Variants in KAZN observed in about 807,000 individuals in gnomAD.
The protein encoded by KAZN is kazrin.
KAZN carries 40 observed loss-of-function variants against 87.4 expected under a neutral mutation model. That is an observed-to-expected ratio of 0.46 (90% CI 0.36 to 0.60). The LOEUF (loss-of-function observed/expected upper bound fraction) is 0.60. KAZN is among the 20% of genes least tolerant of loss of function. The pLI, the probability that KAZN is intolerant of heterozygous loss-of-function variation, is 0.00. For synonymous variants in KAZN, 466 were observed against 458.3 expected, an observed-to-expected ratio of 1.02 and a Z score of -0.22; for missense variants, 898 against 1,073.9, an observed-to-expected ratio of 0.84 and a Z score of 2.29.
intron 2 of KAZN, 139 bp downstream of exon 2, chr1:14,961,014 C>T: frequency 1.2e-6 from 1 of 851,528 alleles, no homozygotes; most frequent in Non-Finnish European, 1.8e-6. Flanking sequence ...TGCCCTGTCC[C>T]TTCTTCGAGT....
chr1:14,532,304 C>T (rs563176556), intron 2 of KAZN, among the ~76,000 whole-genome samples: 63 of 152,200 alleles, frequency 4.1e-4, no homozygotes, highest in Non-Finnish European at 7.5e-4. Flanking sequence ...CGCCCTCACT[C>T]GTGATGCTTA....
intron 2 of KAZN, among the ~76,000 whole-genome samples, chr1:14,410,083 G>C (rs1664183395): frequency 6.6e-6 from 1 of 152,284 alleles, no homozygotes; most frequent in Non-Finnish European, 1.5e-5. Flanking sequence ...AAACAGAACA[G>C]AATATTAATT....
At chr1:14,924,155 C>T (rs1434006649) in intron 1 of KAZN, 34 of 982,148 alleles carry the variant, frequency 3.5e-5, no homozygotes, top group Non-Finnish European at 4.1e-5. Flanking sequence ...AGAGGCTCCG[C>T]GGCCGAATTC....
At chr1:14,467,674 C>CA (rs36034022) in intron 2 of KAZN, among the ~76,000 whole-genome samples, 31,739 of 77,268 alleles carry the variant, frequency 0.41, 5,920 homozygotes, top group East Asian at 0.62. Context: ...ATCCAAAAGG[C>CA]AAAAAAAAAA....
At chr1:14,346,049 T>C (rs1658080924) in intron 2 of KAZN, among the ~76,000 whole-genome samples, 1 of 152,128 alleles carries the variant, frequency 6.6e-6, no homozygotes, top group African/African-American at 2.4e-5. Context: ...GAATGAAAAA[T>C]GTAGCACTGC....
At chr1:14,297,132 T>C (rs552366623) in intron 2 of KAZN, among the ~76,000 whole-genome samples, 1 of 152,148 alleles carries the variant, frequency 6.6e-6, no homozygotes, top group African/African-American at 2.4e-5. Flanking sequence ...GAGGGGCTTA[T>C]TTTCTCCCCC....
chr1:15,109,939 GTGTT>G (rs1411053260), intron 13 of KAZN, among the ~76,000 whole-genome samples: 18 of 150,884 alleles, frequency 1.2e-4, no homozygotes, highest in Non-Finnish European at 2.2e-4. Flanking sequence ...GTGTGTGTGT[GTGTT>G]TGTGTATGTG....
In KAZN at chr1:14,335,828, CAGAT is replaced by C. The variant is rs1246778166; in HGVS notation, c.249+155237_249+155240del. ...ATGGAAGGACAGAAAGTCAGAGAAA[CAGAT>C]GGACAGGGAAGCTCTCACTTCTGTT... On this transcript the variant is annotated intron_variant, in intron 2 of 16. Coordinates refer to the KAZN transcript ENST00000636203. 4.6e-5 allele frequency among the ~76,000 whole-genome samples: 7 copies of C among 152,000 alleles called. No individual in the cohort carries two copies. In the East Asian group the frequency reaches 1.4e-3, roughly 29 times the overall value.
intron 1 of KAZN, among the ~76,000 whole-genome samples, chr1:14,633,207 G>T (rs753112822): frequency 6.6e-6 from 1 of 152,040 alleles, no homozygotes; most frequent in African/African-American, 2.4e-5. Flanking sequence ...GTGAGCCACC[G>T]CACCCGGCCA....
At chr1:14,072,366 C>G (rs1286880223) in intron 1 of KAZN, among the ~76,000 whole-genome samples, 1 of 152,024 alleles carries the variant, frequency 6.6e-6, no homozygotes, top group Non-Finnish European at 1.5e-5. Context: ...GAGGGCAAGC[C>G]CCAGCTGTGG....
At chr1:14,681,437 C>T (rs1640565934) in intron 1 of KAZN, among the ~76,000 whole-genome samples, 1 of 151,126 alleles carries the variant, frequency 6.6e-6, no homozygotes, top group Non-Finnish European at 1.5e-5. Flanking sequence ...GCAGCCAGCC[C>T]AACACTGACA....
At chr1:14,617,254 A>G (rs923983942) in intron 1 of KAZN, among the ~76,000 whole-genome samples, 1 of 152,248 alleles carries the variant, frequency 6.6e-6, no homozygotes, top group Non-Finnish European at 1.5e-5. Flanking sequence ...AAATATCGAA[A>G]TAAAGTGAGT....
chr1:14,133,377 A>AAAGAAAG (rs1553132990), intron 1 of KAZN, among the ~76,000 whole-genome samples: 8 of 72,054 alleles, frequency 1.1e-4, no homozygotes, highest in African/African-American at 7.3e-5. Flanking sequence ...AAAAAAAAAA[A>AAAGAAAG]AAAGAAAGAA....
chr1:13,932,008 ATTTTTTTTTT>A, intron 1 of KAZN, among the ~76,000 whole-genome samples: 1 of 122,888 alleles, frequency 8.1e-6, no homozygotes, highest in South Asian at 2.7e-4. Context: ...GGCTTGGCTA[ATTTTTTTTTT>A]TTTTTTTTTT....
chr1:13,981,448 C>T (rs1375354225), intron 1 of KAZN, among the ~76,000 whole-genome samples: 2 of 127,640 alleles, frequency 1.6e-5, no homozygotes, highest in African/African-American at 5.0e-5. Context: ...TCAAAGCAGT[C>T]ATAACCCTGC....
At chr1:14,956,479 G>A (rs958676835) in intron 1 of KAZN, among the ~76,000 whole-genome samples, 11 of 151,822 alleles carry the variant, frequency 7.2e-5, no homozygotes, top group African/African-American at 2.4e-4. Context: ...CGGGTTTGTA[G>A]CCTGTAATCC....
chr1:14,958,984 A>G (rs1663515508), intron 1 of KAZN, among the ~76,000 whole-genome samples: 1 of 152,238 alleles, frequency 6.6e-6, no homozygotes, highest in African/African-American at 2.4e-5. Context: ...GGCCATGGAC[A>G]AAACAGACTC....
At chr1:15,104,315 C>T (rs768871648) in intron 13 of KAZN, 126 bp downstream of exon 13, 1 of 981,752 alleles carries the variant, frequency 1.0e-6, no homozygotes, top group Non-Finnish European at 1.5e-6. Context: ...TTCTTTGCAC[C>T]ATGGTGGTCA....
chr1:14,403,670 G>C (rs923945219), intron 2 of KAZN, among the ~76,000 whole-genome samples: 1 of 152,098 alleles, frequency 6.6e-6, no homozygotes, highest in South Asian at 2.1e-4. Context: ...CATGGGAGGA[G>C]AGCCTCAACC....
Sources: allele counts gnomAD v4.1 joint callset (sites outside exome capture counted in the v4.1 genomes callset), GRCh38; gene constraint gnomAD v4.1.1; transcripts MANE v1.5; gene names NCBI Gene and HGNC (gene_info 2026-07-23, HGNC 2026-07-21).